HS6ST3: variants seen among roughly 807,000 people sequenced by gnomAD.
HS6ST3 encodes heparan sulfate 6-O-sulfotransferase 3.
A neutral mutation model predicts 36.7 loss-of-function variants in HS6ST3; 12 were observed. That is an observed-to-expected ratio of 0.33 (90% CI 0.21 to 0.53). The LOEUF (loss-of-function observed/expected upper bound fraction) is 0.53, where lower values mean the gene tolerates loss of function less well. Among genes scored for constraint, HS6ST3 ranks in the 20% least tolerant of loss-of-function variants. The pLI, the probability that HS6ST3 is intolerant of heterozygous loss-of-function variation, is 0.95. For missense variants in HS6ST3, 584 were observed against 640.9 expected (o/e 0.91, Z 0.96); for synonymous variants, 240 against 257.5 (o/e 0.93, Z 0.65).
intron 1 of HS6ST3, among the ~76,000 whole-genome samples, chr13:96,303,254 C>T (rs990306894): frequency 5.3e-5 from 8 of 152,060 alleles, no homozygotes; most frequent in African/African-American, 1.4e-4. Flanking sequence ...TGAATTCGCA[C>T]GGCTAAGAAA....
intron 1 of HS6ST3, among the ~76,000 whole-genome samples, chr13:96,502,243 C>T (rs542016628): frequency 1.3e-5 from 2 of 152,222 alleles, no homozygotes; most frequent in East Asian, 3.9e-4. Flanking sequence ...ATGGTCTGGA[C>T]ACCTAGCAGG....
At chr13:96,097,503 A>T (rs944230592) in intron 1 of HS6ST3, among the ~76,000 whole-genome samples, 1 of 152,192 alleles carries the variant, frequency 6.6e-6, no homozygotes, top group Non-Finnish European at 1.5e-5. Flanking sequence ...CCAAATTAAT[A>T]TTTTGTAGTA....
At chr13:96,510,512 A>C (rs1470791796) in intron 1 of HS6ST3, among the ~76,000 whole-genome samples, 1 of 152,052 alleles carries the variant, frequency 6.6e-6, no homozygotes, top group Non-Finnish European at 1.5e-5. Context: ...CCTGTCCTCA[A>C]GTTTCCCCAC....
intron 1 of HS6ST3, among the ~76,000 whole-genome samples, chr13:96,283,222 C>T (rs1366353485): frequency 1.3e-5 from 2 of 152,218 alleles, no homozygotes; most frequent in African/African-American, 4.8e-5. Context: ...TTACCTTTCC[C>T]CTTCTAAGTA....
chr13:96,623,721 T>C (rs1476954748), intron 1 of HS6ST3, among the ~76,000 whole-genome samples: 2 of 152,142 alleles, frequency 1.3e-5, no homozygotes, highest in Non-Finnish European at 2.9e-5. Flanking sequence ...CCACCTCACT[T>C]GTTGAGAGTG....
chr13:96,488,685 A>G (rs1388371614), intron 1 of HS6ST3, among the ~76,000 whole-genome samples: 2 of 152,094 alleles, frequency 1.3e-5, no homozygotes, highest in Non-Finnish European at 2.9e-5. Context: ...TGTCAGTCAA[A>G]TTATCTTGTA....
At chr13:96,613,318 C>T (rs1485114245) in intron 1 of HS6ST3, among the ~76,000 whole-genome samples, 2 of 152,166 alleles carry the variant, frequency 1.3e-5, no homozygotes, top group East Asian at 3.8e-4. Flanking sequence ...ATTTTATACA[C>T]AGAAAATTGA....
At chr13:96,436,866 C>G (rs2055645238) in intron 1 of HS6ST3, among the ~76,000 whole-genome samples, 1 of 152,070 alleles carries the variant, frequency 6.6e-6, no homozygotes, top group Non-Finnish European at 1.5e-5. Context: ...TATGGCAGCC[C>G]TAGCAAACTA....
At chr13:96,727,995 G>A (rs1045663290) in intron 1 of HS6ST3, among the ~76,000 whole-genome samples, 16 of 152,160 alleles carry the variant, frequency 1.1e-4, no homozygotes, top group African/African-American at 3.4e-4. Flanking sequence ...AGTCCTCATC[G>A]TAGCTCTGGT....
At chr13:96,708,684 A>G (rs1875488228) in intron 1 of HS6ST3, among the ~76,000 whole-genome samples, 1 of 152,138 alleles carries the variant, frequency 6.6e-6, no homozygotes, top group African/African-American at 2.4e-5. Flanking sequence ...AAATCTCCCA[A>G]GGATCCTGGC....
At chr13:96,326,518 C>A (rs1485193555) in intron 1 of HS6ST3, among the ~76,000 whole-genome samples, 1 of 152,034 alleles carries the variant, frequency 6.6e-6, no homozygotes, top group South Asian at 2.1e-4. Context: ...CATCATTTTT[C>A]ATGGCTGCAT....
At chr13:96,762,541 TC>T (rs1383159779) in intron 1 of HS6ST3, among the ~76,000 whole-genome samples, 1 of 152,142 alleles carries the variant, frequency 6.6e-6, no homozygotes, top group Admixed American at 6.5e-5. Context: ...TGTAAACATT[TC>T]CTACTGCATC....
intron 1 of HS6ST3, among the ~76,000 whole-genome samples, chr13:96,465,692 G>C (rs185416866): frequency 6.6e-6 from 1 of 152,170 alleles, no homozygotes; most frequent in East Asian, 1.9e-4. Flanking sequence ...TTCTGCTTTT[G>C]AACCTGGGTG....
At chr13:96,793,136 G>T (rs1877831128) in intron 1 of HS6ST3, among the ~76,000 whole-genome samples, 1 of 152,010 alleles carries the variant, frequency 6.6e-6, no homozygotes. Context: ...TTAGTTGAGA[G>T]GATTCATTTC....
chr13:96,818,352 A>G (rs1566461252), intron 1 of HS6ST3, among the ~76,000 whole-genome samples: 2 of 152,338 alleles, frequency 1.3e-5, no homozygotes, highest in East Asian at 1.9e-4. Context: ...AACTCATGCT[A>G]ATTATCGTCA....
chr13:96,655,096 G>A (rs1178508924), intron 1 of HS6ST3, among the ~76,000 whole-genome samples: 1 of 152,104 alleles, frequency 6.6e-6, no homozygotes, highest in African/African-American at 2.4e-5. Context: ...AAGATCACCT[G>A]AGCCCTTAGG....
intron 1 of HS6ST3, among the ~76,000 whole-genome samples, chr13:96,136,568 C>T (rs977759637): frequency 3.3e-5 from 5 of 151,780 alleles, no homozygotes; most frequent in African/African-American, 1.2e-4. Context: ...GTGAACCAGT[C>T]GCCTCCCACC....
At chr13:96,136,685 A>ATATATATG in intron 1 of HS6ST3, among the ~76,000 whole-genome samples, 1 of 7,132 alleles carries the variant, frequency 1.4e-4, no homozygotes, top group South Asian at 4.5e-3. Flanking sequence ...TATGAAACAT[A>ATATATATG]TATATATATA....
intron 1 of HS6ST3, among the ~76,000 whole-genome samples, chr13:96,376,705 T>A (rs2055316659): frequency 6.6e-6 from 1 of 152,178 alleles, no homozygotes; most frequent in South Asian, 2.1e-4. Context: ...GTAATGCTAA[T>A]CTCAAGAATT....
Sources: gnomAD v4.1 joint callset for allele counts (sites outside exome capture counted in the v4.1 genomes callset) on GRCh38, gnomAD v4.1.1 for gene constraint, MANE v1.5 for transcripts, NCBI Gene and HGNC (gene_info 2026-07-23, HGNC 2026-07-21) for gene names.